CDK8: variants seen among roughly 807,000 people sequenced by gnomAD.
CDK8 encodes cyclin dependent kinase 8, also known as cyclin-dependent kinase 8.
Under a neutral mutation model 71.5 loss-of-function variants are expected in CDK8, and 29 were observed. The observed-to-expected ratio is 0.41, with a 90% CI of 0.30 to 0.55. The LOEUF (loss-of-function observed/expected upper bound fraction) is 0.55. Among genes scored for constraint, CDK8 ranks in the 20% least tolerant of loss-of-function variants. The probability of loss-of-function intolerance (pLI) is 0.37; values close to 1 mark genes in which losing one functional copy is unlikely to be tolerated. For missense variants in CDK8, 288 were observed against 572.6 expected (o/e 0.50, Z 5.07); for synonymous variants, 161 against 192.1 (o/e 0.84, Z 1.34).
intron 1 of CDK8, among the ~76,000 whole-genome samples, chr13:26,277,929 C>T (rs1291208521): frequency 6.6e-6 from 1 of 152,104 alleles, no homozygotes; most frequent in Non-Finnish European, 1.5e-5. Context: ...TTTACTGTTA[C>T]GTAGAATAGG....
At chr13:26,370,098 A>G (rs1341419630) in intron 4 of CDK8, among the ~76,000 whole-genome samples, 3 of 152,194 alleles carry the variant, frequency 2.0e-5, no homozygotes, top group African/African-American at 7.2e-5. Context: ...TCAAACAAAT[A>G]ATCCTACATT....
At chr13:26,282,581 C>G (rs1250376228) in intron 1 of CDK8, among the ~76,000 whole-genome samples, 1 of 152,132 alleles carries the variant, frequency 6.6e-6, no homozygotes, top group Non-Finnish European at 1.5e-5. Context: ...AATGTTGAAG[C>G]AAAACCTTGA....
intron 1 of CDK8, among the ~76,000 whole-genome samples, chr13:26,297,302 G>A (rs1873603156): frequency 7.1e-6 from 1 of 140,460 alleles, no homozygotes; most frequent in South Asian, 2.5e-4. Context: ...AAGAATAGGG[G>A]CCTTTAAAGT....
In CDK8 at chr13:26,404,131, CTG is replaced by C. The variant is rs1876402308; in HGVS notation, c.*53_*54del. Reference sequence around the variant, plus strand: ...ACTGTTGCGAATGCTGCAGGGCTGACTGTGCAGCTCTCTGCGGGAACCTGGTA... The same window carrying C: ...ACTGTTGCGAATGCTGCAGGGCTGACTGCAGCTCTCTGCGGGAACCTGGTA... On this transcript the variant is annotated 3_prime_UTR_variant, in exon 13 of 13. Transcript: ENST00000381527. The C allele has an allele frequency of 6.2e-7, 1 of 1,601,724 alleles. No individual in the cohort carries two copies. Among genetic ancestry groups the C allele is most frequent in the Middle Eastern group, 1.7e-4 (1 of 5,990 alleles).
chr13:26,369,846 A>G (rs1874581937), intron 4 of CDK8, among the ~76,000 whole-genome samples: 1 of 151,056 alleles, frequency 6.6e-6, no homozygotes, highest in African/African-American at 2.4e-5. Flanking sequence ...ATGAGCCACC[A>G]TGCTCAGCCG....
At chr13:26,367,577 G>T (rs538947443) in intron 4 of CDK8, among the ~76,000 whole-genome samples, 1 of 152,152 alleles carries the variant, frequency 6.6e-6, no homozygotes, top group Non-Finnish European at 1.5e-5. Context: ...AGAGATTGAT[G>T]TGAAGACTGG....
intron 1 of CDK8, among the ~76,000 whole-genome samples, chr13:26,280,735 C>G (rs1872712955): frequency 6.6e-6 from 1 of 152,206 alleles, no homozygotes; most frequent in Non-Finnish European, 1.5e-5. Context: ...ACACAGCTTT[C>G]TTCCTCCTTC....
At chr13:26,334,874 C>T (rs148115328) in intron 1 of CDK8, among the ~76,000 whole-genome samples, 3,207 of 152,226 alleles carry the variant, frequency 0.021, 45 homozygotes, top group Middle Eastern at 0.044. Context: ...ATATCAAAAT[C>T]GGAACTCCCC....
At chr13:26,324,562 G>A (rs186846593) in intron 1 of CDK8, among the ~76,000 whole-genome samples, 53 of 152,198 alleles carry the variant, frequency 3.5e-4, no homozygotes, top group Non-Finnish European at 6.8e-4. Context: ...TATGTTTCAG[G>A]CCAAGTAGAA....
At chr13:26,403,249 C>T (rs929318885) in intron 12 of CDK8, among the ~76,000 whole-genome samples, 3 of 152,036 alleles carry the variant, frequency 2.0e-5, no homozygotes, top group Admixed American at 2.0e-4. Flanking sequence ...GTGGCTCATG[C>T]CCGTAATCCC....
intron 4 of CDK8, among the ~76,000 whole-genome samples, chr13:26,370,172 A>G (rs373042698): frequency 1.3e-5 from 2 of 152,352 alleles, no homozygotes; most frequent in East Asian, 3.9e-4. Context: ...ATAGGAAGAA[A>G]GCATAACACT....
chr13:26,342,830 G>T (rs73160330), intron 2 of CDK8, among the ~76,000 whole-genome samples: 1 of 152,142 alleles, frequency 6.6e-6, no homozygotes, highest in East Asian at 1.9e-4. Flanking sequence ...AATACTACAG[G>T]CTGGGTGGCT....
intron 1 of CDK8, among the ~76,000 whole-genome samples, chr13:26,276,429 C>G (rs1211128733): frequency 6.6e-6 from 1 of 152,186 alleles, no homozygotes; most frequent in Non-Finnish European, 1.5e-5. Context: ...CATTCAGTCT[C>G]TCTGAGCACT....
At chr13:26,274,093 T>A (rs1051207576) in intron 1 of CDK8, among the ~76,000 whole-genome samples, 4 of 152,210 alleles carry the variant, frequency 2.6e-5, no homozygotes, top group Admixed American at 2.6e-4. Context: ...TGCATCTTTG[T>A]AGACACTCAT....
intron 2 of CDK8, among the ~76,000 whole-genome samples, chr13:26,339,594 G>GTT (rs112212248): frequency 7.1e-6 from 1 of 140,200 alleles, no homozygotes; most frequent in African/African-American, 2.6e-5. Flanking sequence ...CAGCTAATTA[G>GTT]TTTTTTTTTT....
At chr13:26,256,516 A>G (rs1017618807) in intron 1 of CDK8, among the ~76,000 whole-genome samples, 16 of 152,252 alleles carry the variant, frequency 1.1e-4, no homozygotes, top group African/African-American at 3.6e-4. Flanking sequence ...TTCTGTTTTC[A>G]TAAATTACCA....
chr13:26,389,724 A>C (rs1776676239), intron 6 of CDK8, among the ~76,000 whole-genome samples: 2 of 151,794 alleles, frequency 1.3e-5, no homozygotes, highest in Admixed American at 1.3e-4. Context: ...AAGGTCAGGC[A>C]CGGTGGCTCA....
At chr13:26,270,077 A>G (rs1179754741) in intron 1 of CDK8, among the ~76,000 whole-genome samples, 2 of 152,032 alleles carry the variant, frequency 1.3e-5, no homozygotes, top group Admixed American at 1.3e-4. Flanking sequence ...TTCATATACC[A>G]TACAATTCAT....
At chr13:26,391,935 A>G (rs1258655712) in intron 6 of CDK8, among the ~76,000 whole-genome samples, 1 of 152,224 alleles carries the variant, frequency 6.6e-6, no homozygotes, top group African/African-American at 2.4e-5. Context: ...TTCTCATTTT[A>G]GGTTTTTTCT....
Sources: allele counts gnomAD v4.1 joint callset (sites outside exome capture counted in the v4.1 genomes callset), GRCh38; gene constraint gnomAD v4.1.1; transcripts MANE v1.5; gene names NCBI Gene and HGNC (gene_info 2026-07-23, HGNC 2026-07-21).